Variants in EXOC6B observed in about 807,000 individuals in gnomAD.
EXOC6B encodes the protein SEC15 homolog B.
EXOC6B carries 54 observed loss-of-function variants against 113.5 expected under a neutral mutation model. The ratio of observed to expected loss-of-function variants is 0.48; its 90% CI spans 0.38 to 0.60. The LOEUF is 0.60. EXOC6B is among the 20% of genes least tolerant of loss of function. EXOC6B has a pLI of 0.00. For missense variants in EXOC6B, 797 were observed against 977.5 expected (o/e 0.82, Z 2.46); for synonymous variants, 357 against 339.0 (o/e 1.05, Z -0.58).
At chr2:72,319,489 A>G (rs1172684234) in intron 20 of EXOC6B, among the ~76,000 whole-genome samples, 1 of 152,214 alleles carries the variant, frequency 6.6e-6, no homozygotes, top group Non-Finnish European at 1.5e-5. Context: ...GTCCACCTAT[A>G]AACTCCCCAA....
chr2:72,396,481 G>C (rs906395688), intron 18 of EXOC6B, among the ~76,000 whole-genome samples: 9 of 152,138 alleles, frequency 5.9e-5, no homozygotes, highest in African/African-American at 1.7e-4. Flanking sequence ...AAACAGCATA[G>C]AACCAGAAAA....
At chr2:72,484,591 C>A (rs916311620) in intron 16 of EXOC6B, among the ~76,000 whole-genome samples, 56 of 147,038 alleles carry the variant, frequency 3.8e-4, no homozygotes, top group African/African-American at 1.4e-3. Context: ...AAAAAAAATT[C>A]CCTCCCCTCA....
chr2:72,490,897 T>G (rs1297498350), intron 16 of EXOC6B, among the ~76,000 whole-genome samples: 1 of 152,188 alleles, frequency 6.6e-6, no homozygotes, highest in Non-Finnish European at 1.5e-5. Context: ...TATCAGACCA[T>G]GTTCTTGCTA....
In EXOC6B at chr2:72,282,262, C is replaced by T. The variant is rs563903053; in HGVS notation, c.2196+52685G>A. 5.9e-5 allele frequency among the ~76,000 whole-genome samples: 9 copies of T among 151,880 alleles called. 1 individual carries two copies. The East Asian group carries it at 1.4e-3, about 23-fold the overall frequency. On this transcript the variant is annotated intron_variant, in intron 20 of 21. Coordinates refer to ENST00000272427, the MANE Select transcript of EXOC6B (RefSeq NM_015189.3). Reference sequence around the variant, plus strand: ...ATCTTTGGGATTTAAAATATGAAGTCAAAATGCACAATAGCAGCAATAAAA... The same window carrying T: ...ATCTTTGGGATTTAAAATATGAAGTTAAAATGCACAATAGCAGCAATAAAA...
At position 72,492,298 on chromosome 2, in the gene EXOC6B, T is replaced by G; in HGVS notation, c.1665+20A>C. Reference sequence around the variant, plus strand: ...CTGTTCACATACTGGCTCGGCTGCCTTCATTAGGAGCAGGTTTACCTCAGT... The same window carrying G: ...CTGTTCACATACTGGCTCGGCTGCCGTCATTAGGAGCAGGTTTACCTCAGT... On this transcript the variant is annotated intron_variant, in intron 16 of 21. Transcript: ENST00000272427. The G allele has an allele frequency of 5.3e-6, 8 of 1,518,112 alleles. No individual in the cohort carries two copies. Among genetic ancestry groups the G allele is most frequent in the Non-Finnish European group, 5.5e-6 (6 of 1,094,650 alleles). The allele number at this position is 1,518,112 out of a possible 1,614,324, so 94.0% of individuals were successfully genotyped here.
In EXOC6B at chr2:72,430,500, A is replaced by G. The variant is rs145439432; in HGVS notation, c.1980+34660T>C. 2.0e-5 allele frequency among the ~76,000 whole-genome samples: 3 copies of G among 152,276 alleles called. No homozygotes were observed. In the East Asian group the frequency reaches 5.8e-4, roughly 29 times the overall value. Reference sequence around the variant, plus strand: ...AAATACAAATAAAAAAACAAAAATTAGTCAGGCATGGTGGCACATGCCTGT... The same window carrying G: ...AAATACAAATAAAAAAACAAAAATTGGTCAGGCATGGTGGCACATGCCTGT... On this transcript the variant is annotated intron_variant, in intron 18 of 21. Coordinates refer to ENST00000272427, the MANE Select transcript of EXOC6B (RefSeq NM_015189.3).
At chr2:72,702,805 G>T (rs1678524618) in intron 6 of EXOC6B, among the ~76,000 whole-genome samples, 1 of 131,098 alleles carries the variant, frequency 7.6e-6, no homozygotes, top group African/African-American at 2.9e-5. Flanking sequence ...TGAGTTCATT[G>T]TAGATTCTGG....
At chr2:72,218,756 T>C (rs1680686671) in intron 20 of EXOC6B, among the ~76,000 whole-genome samples, 1 of 151,942 alleles carries the variant, frequency 6.6e-6, no homozygotes, top group Non-Finnish European at 1.5e-5. Context: ...TCCGACTCCC[T>C]GGTTCAAGCA....
At chr2:72,813,614 T>C (rs773600744) in intron 1 of EXOC6B, among the ~76,000 whole-genome samples, 3 of 152,196 alleles carry the variant, frequency 2.0e-5, no homozygotes, top group Admixed American at 6.5e-5. Context: ...CATTATTTTT[T>C]TCCGTTTTAA....
At position 72,498,445 on chromosome 2, in the gene EXOC6B, A is replaced by T. The variant is rs1439981149; in HGVS notation, c.1337+9T>A. ...ACACACACACATATGACTATAGATA[A>T]TTTCTCACCTGAAAATACCTGCCCA... On this transcript the variant is annotated intron_variant, in intron 13 of 21. Transcript: ENST00000272427. The T allele has an allele frequency of 6.3e-7, 1 of 1,591,842 alleles. No individual in the cohort carries two copies. The highest frequency in any genetic ancestry group is 1.7e-5 in the Admixed American group (1 of 59,068).
At chr2:72,326,551 T>C (rs904576289) in intron 20 of EXOC6B, among the ~76,000 whole-genome samples, 1 of 152,004 alleles carries the variant, frequency 6.6e-6, no homozygotes, top group Non-Finnish European at 1.5e-5. Context: ...AAAGCTGAAA[T>C]GGAATGGAAC....
intron 19 of EXOC6B, among the ~76,000 whole-genome samples, chr2:72,352,711 T>A: frequency 6.7e-6 from 1 of 148,966 alleles, no homozygotes; most frequent in African/African-American, 2.5e-5. Context: ...AAAAAAAAGA[T>A]AAAAGTTAGG....
intron 18 of EXOC6B, among the ~76,000 whole-genome samples, chr2:72,420,252 T>C (rs1323977984): frequency 6.6e-6 from 1 of 152,230 alleles, no homozygotes; most frequent in Non-Finnish European, 1.5e-5. Flanking sequence ...TTTATTATTA[T>C]TATACTTTAA....
intron 20 of EXOC6B, among the ~76,000 whole-genome samples, chr2:72,258,361 C>CTTTTTTT (rs967346322): frequency 8.8e-4 from 110 of 124,768 alleles, no homozygotes; most frequent in African/African-American, 1.0e-3. Context: ...TTATCTTTTT[C>CTTTTTTT]TTTTTTTTTT....
intron 8 of EXOC6B, among the ~76,000 whole-genome samples, chr2:72,525,770 C>T (rs569634458): frequency 1.1e-3 from 174 of 152,172 alleles, no homozygotes; most frequent in Non-Finnish European, 2.0e-3. Context: ...CCCACCACCC[C>T]CAAATCCCAT....
rs144664424 is a variant in EXOC6B at position 72,532,832 on chromosome 2, C to CA, written c.916-17707dup. Among the ~76,000 whole-genome samples, 133 of 145,200 alleles carry CA rather than the reference C, an allele frequency of 9.2e-4. 1 individual carries two copies. The highest frequency in any genetic ancestry group is 5.0e-3 in the South Asian group (23 of 4,560). The stretch of plus-strand genomic sequence containing the variant: ...CAAACAACAACGACAAAAAACAAAA[C>CA]AAAAAAAAAACAATGCTTTTGACTC... On this transcript the variant is annotated intron_variant, in intron 8 of 21. Transcript: ENST00000272427.
At chr2:72,810,498 T>G (rs1247621879) in intron 1 of EXOC6B, among the ~76,000 whole-genome samples, 1 of 151,978 alleles carries the variant, frequency 6.6e-6, no homozygotes, top group East Asian at 1.9e-4. Flanking sequence ...AATGTATACA[T>G]TAGAAAAGAG....
At chr2:72,294,709 G>C (rs1328560534) in intron 20 of EXOC6B, among the ~76,000 whole-genome samples, 1 of 151,742 alleles carries the variant, frequency 6.6e-6, no homozygotes, top group Non-Finnish European at 1.5e-5. Context: ...TATTTTCTTT[G>C]ATTTTGTCTT....
intron 1 of EXOC6B, among the ~76,000 whole-genome samples, chr2:72,765,727 G>C (rs1683020420): frequency 6.6e-6 from 1 of 152,066 alleles, no homozygotes; most frequent in South Asian, 2.1e-4. Context: ...CAGAATCTAA[G>C]GGAACAGAAC....
Sources: allele counts gnomAD v4.1 joint callset (sites outside exome capture counted in the v4.1 genomes callset), GRCh38; gene constraint gnomAD v4.1.1; transcripts MANE v1.5; gene names NCBI Gene and HGNC (gene_info 2026-07-23, HGNC 2026-07-21).